LRMDA: variants seen among roughly 807,000 people sequenced by gnomAD.
LRMDA encodes the protein leucine-rich melanocyte differentiation-associated protein.
Under a neutral mutation model 29.8 loss-of-function variants are expected in LRMDA, and 18 were observed. That is an observed-to-expected ratio of 0.60 (90% CI 0.42 to 0.90). LRMDA has a LOEUF of 0.90. LRMDA is among the 40% of genes least tolerant of loss of function. LRMDA has a pLI of 0.00. For missense variants in LRMDA, 273 were observed against 273.9 expected (o/e 1.00, Z 0.02); for synonymous variants, 125 against 109.4 (o/e 1.14, Z -0.89).
At chr10:75,594,403 T>G (rs1840761032) in intron 2 of LRMDA, among the ~76,000 whole-genome samples, 1 of 152,180 alleles carries the variant, frequency 6.6e-6, no homozygotes, top group African/African-American at 2.4e-5. Flanking sequence ...CTTATTGAAA[T>G]GGAGAAACAA....
intron 5 of LRMDA, among the ~76,000 whole-genome samples, chr10:76,164,070 T>C (rs1419865098): frequency 6.6e-6 from 1 of 152,174 alleles, no homozygotes; most frequent in Admixed American, 6.5e-5. Context: ...ATTCATGGAC[T>C]CTCAGAGAAC....
chr10:75,497,463 T>A (rs920603937), intron 2 of LRMDA, among the ~76,000 whole-genome samples: 15 of 147,922 alleles, frequency 1.0e-4, no homozygotes, highest in African/African-American at 3.2e-4. Context: ...AGTTCGATAT[T>A]TTTTTTTTTT....
At chr10:75,583,069 A>G (rs1840614278) in intron 2 of LRMDA, among the ~76,000 whole-genome samples, 1 of 152,204 alleles carries the variant, frequency 6.6e-6, no homozygotes. Context: ...TTTAGGTCAC[A>G]ACAATTTAAC....
At chr10:76,280,861 G>A (rs1840194717) in intron 5 of LRMDA, among the ~76,000 whole-genome samples, 1 of 152,064 alleles carries the variant, frequency 6.6e-6, no homozygotes, top group South Asian at 2.1e-4. Flanking sequence ...GTAAATATGA[G>A]TAAAATGATC....
At chr10:76,237,175 C>A (rs1325592790) in intron 5 of LRMDA, among the ~76,000 whole-genome samples, 1 of 152,110 alleles carries the variant, frequency 6.6e-6, no homozygotes, top group Non-Finnish European at 1.5e-5. Flanking sequence ...CAGAGGGAGA[C>A]CCTGTCTCTT....
chr10:75,578,215 C>CAA (rs1183989010), intron 2 of LRMDA, among the ~76,000 whole-genome samples: 248 of 14,214 alleles, frequency 0.017, 48 homozygotes, highest in Non-Finnish European at 0.03. Context: ...AAATGGAAAG[C>CAA]AAAAAAAAAA....
chr10:76,277,619 T>C (rs1489563868), intron 5 of LRMDA, among the ~76,000 whole-genome samples: 1 of 152,226 alleles, frequency 6.6e-6, no homozygotes, highest in Non-Finnish European at 1.5e-5. Flanking sequence ...TAGTCTGAAT[T>C]TTTTGCTGTG....
chr10:76,340,845 G>C (rs1434985839), intron 6 of LRMDA, among the ~76,000 whole-genome samples: 1 of 152,128 alleles, frequency 6.6e-6, no homozygotes, highest in African/African-American at 2.4e-5. Flanking sequence ...CTTAGACCAG[G>C]AGTAGGCAAA....
At chr10:76,342,196 C>T (rs1841050168) in intron 6 of LRMDA, among the ~76,000 whole-genome samples, 2 of 151,910 alleles carry the variant, frequency 1.3e-5, no homozygotes, top group Non-Finnish European at 2.9e-5. Flanking sequence ...TGCAAAAAAG[C>T]CCTCTACCCA....
At position 75,462,351 on chromosome 10, in the gene LRMDA, T is replaced by C. The variant is rs2132038862; in HGVS notation, c.131+23857T>C. Among the ~76,000 whole-genome samples the C allele has an allele frequency of 2.0e-5, 3 of 152,358 alleles. No homozygotes were observed. In the Middle Eastern group the frequency reaches 0.01, roughly 518 times the overall value. On this transcript the variant is annotated intron_variant, in intron 2 of 6. Transcript: ENST00000611255. ...AGTGTCACAAATGTGAATTGGTGCC[T>C]TTACATCAGCGGCAGGTGTAGTCTC...
In LRMDA at chr10:76,353,599, A is replaced by G. The variant is rs557339530; in HGVS notation, c.601+29114A>G. On this transcript the variant is annotated intron_variant, in intron 6 of 6. Coordinates refer to ENST00000611255, the MANE Select transcript of LRMDA (RefSeq NM_001305581.2). Reference sequence around the variant, plus strand: ...GGGGAGACATAGCTATGCCGTGGAGAGTTCTGAGATGTGAAGAGAACAAGT... The same window carrying G: ...GGGGAGACATAGCTATGCCGTGGAGGGTTCTGAGATGTGAAGAGAACAAGT... Among the ~76,000 whole-genome samples the G allele has an allele frequency of 5.9e-4, 90 of 152,118 alleles. 1 individual carries two copies. Among genetic ancestry groups the G allele is most frequent in the Non-Finnish European group, 5.9e-5 (4 of 67,974 alleles).
chr10:76,426,842 C>T (rs1842131710), intron 6 of LRMDA, among the ~76,000 whole-genome samples: 1 of 152,148 alleles, frequency 6.6e-6, no homozygotes, highest in Non-Finnish European at 1.5e-5. Context: ...TTTCCCAGGA[C>T]CATTTGTTAA....
At chr10:75,881,493 A>G (rs983976984) in intron 2 of LRMDA, among the ~76,000 whole-genome samples, 3 of 151,622 alleles carry the variant, frequency 2.0e-5, no homozygotes, top group African/African-American at 7.3e-5. Context: ...TCTCCCCCCC[A>G]CTACCCCTAC....
At chr10:76,377,515 A>T (rs952884987) in intron 6 of LRMDA, among the ~76,000 whole-genome samples, 11 of 152,136 alleles carry the variant, frequency 7.2e-5, no homozygotes, top group Middle Eastern at 3.2e-3. Flanking sequence ...TAGGGTTTTA[A>T]TAGTTTGAGG....
chr10:76,417,190 T>G (rs56364713), intron 6 of LRMDA, among the ~76,000 whole-genome samples: 7,098 of 152,208 alleles, frequency 0.047, 431 homozygotes, highest in African/African-American at 0.14. Context: ...TGATATATAT[T>G]TTTAAACTGA....
intron 2 of LRMDA, among the ~76,000 whole-genome samples, chr10:75,669,730 G>A (rs1454117343): frequency 1.3e-5 from 2 of 152,062 alleles, no homozygotes; most frequent in Admixed American, 6.5e-5. Flanking sequence ...TTATTATTTG[G>A]TGTTACGCCT....
intron 2 of LRMDA, among the ~76,000 whole-genome samples, chr10:75,751,531 A>G (rs769149630): frequency 6.6e-5 from 10 of 152,184 alleles, no homozygotes; most frequent in Non-Finnish European, 1.2e-4. Flanking sequence ...CAGTTTTGTC[A>G]TCCGTAAAAT....
chr10:76,155,868 A>C (rs780071824), intron 5 of LRMDA, among the ~76,000 whole-genome samples: 6 of 152,196 alleles, frequency 3.9e-5, no homozygotes, highest in Non-Finnish European at 8.8e-5. Context: ...CCTGGAATTG[A>C]CTAGAAATAG....
At chr10:76,341,608 A>G (rs1276999234) in intron 6 of LRMDA, among the ~76,000 whole-genome samples, 3 of 152,218 alleles carry the variant, frequency 2.0e-5, no homozygotes, top group Non-Finnish European at 4.4e-5. Flanking sequence ...AGGTATTTCA[A>G]GAAAGGATAG....
Sources: gnomAD v4.1 joint callset for allele counts (sites outside exome capture counted in the v4.1 genomes callset) on GRCh38, gnomAD v4.1.1 for gene constraint, MANE v1.5 for transcripts, NCBI Gene and HGNC (gene_info 2026-07-23, HGNC 2026-07-21) for gene names.